The following SIRPG variants were observed in gnomAD, a reference collection of about 807,000 sequenced individuals.
SIRPG encodes signal-regulatory protein gamma.
A neutral mutation model predicts 35.7 loss-of-function variants in SIRPG; 38 were observed. The ratio of observed to expected loss-of-function variants is 1.06; its 90% CI spans 0.82 to 1.40. The LOEUF is 1.40. Among genes scored for constraint, SIRPG ranks in the 40% most tolerant of loss-of-function variants. The pLI is 0.00. For synonymous variants in SIRPG, 215 were observed against 190.4 expected, an observed-to-expected ratio of 1.13 and a Z score of -1.06; for missense variants, 519 against 483.0, an observed-to-expected ratio of 1.07 and a Z score of -0.70.
rs2091917768 is a variant in SIRPG at position 1,649,012 on chromosome 20, T to C, written c.430+40A>G. 11 of 1,522,438 alleles carry C rather than the reference T, an allele frequency of 7.2e-6. 1 individual carries two copies. The highest frequency in any genetic ancestry group is 1.4e-5 in the African/African-American group (1 of 73,056). The allele number at this position is 1,522,438 out of a possible 1,614,324, so 94.3% of individuals were successfully genotyped here. A position where few individuals can be genotyped will look rare whatever the true frequency, so the allele number is the denominator to read the frequency against. On this transcript the variant is annotated intron_variant, in intron 2 of 5. Transcript: ENST00000303415. Reference sequence around the variant, plus strand: ...GGAAGGTGTTACTATTGAGTTATTGTCACACATCAGGGGATGAGGGAGGTC... The same window carrying C: ...GGAAGGTGTTACTATTGAGTTATTGCCACACATCAGGGGATGAGGGAGGTC...
the SIRPG span, among the ~76,000 whole-genome samples, chr20:1,674,534 C>T: frequency 6.6e-6 from 1 of 152,166 alleles, no homozygotes; most frequent in African/African-American, 2.4e-5. Flanking sequence ...CCAGGAAGTA[C>T]CAGAGCCCGG....
chr20:1,653,600 G>C (rs1452359294), intron 1 of SIRPG, among the ~76,000 whole-genome samples: 2 of 152,112 alleles, frequency 1.3e-5, no homozygotes, highest in South Asian at 4.1e-4. Context: ...GGAATTTCAG[G>C]ATAAAAATGC....
At chr20:1,640,159 GA>G (rs2091840957) in intron 2 of SIRPG, among the ~76,000 whole-genome samples, 1 of 152,030 alleles carries the variant, frequency 6.6e-6, no homozygotes, top group Non-Finnish European at 1.5e-5. Flanking sequence ...ATTCTGTGAA[GA>G]ATGTCAATGG....
intron 4 of SIRPG, among the ~76,000 whole-genome samples, chr20:1,634,971 A>G (rs888076021): frequency 6.5e-4 from 99 of 151,646 alleles, no homozygotes; most frequent in Non-Finnish European, 1.2e-3. Flanking sequence ...TGAACCCGGG[A>G]GGCGGAGCTT....
chr20:1,630,365 G>A (rs1045421854), intron 4 of SIRPG, 59 bp from the exon 5 acceptor site: 2 of 1,353,256 alleles, frequency 1.5e-6, no homozygotes, highest in African/African-American at 3.0e-5. Context: ...CCATTGTAGG[G>A]GCCTCCACTT....
the SIRPG span, among the ~76,000 whole-genome samples, chr20:1,685,275 C>T: frequency 6.6e-6 from 1 of 152,142 alleles, no homozygotes; most frequent in Non-Finnish European, 1.5e-5. Context: ...GAATGTGTCC[C>T]CCAAAATGCA....
the SIRPG span, among the ~76,000 whole-genome samples, chr20:1,681,366 C>T: frequency 2.0e-5 from 3 of 152,136 alleles, no homozygotes; most frequent in African/African-American, 7.2e-5. Flanking sequence ...CATAGCTCTG[C>T]CAATTACCAA....
the SIRPG span, among the ~76,000 whole-genome samples, chr20:1,675,890 G>A: frequency 3.3e-5 from 5 of 152,056 alleles, no homozygotes; most frequent in African/African-American, 1.2e-4. Flanking sequence ...TTCTTTCTAA[G>A]TGGGTTAAAA....
intron 1 of SIRPG, among the ~76,000 whole-genome samples, chr20:1,655,896 G>GT (rs2091972313): frequency 6.6e-6 from 1 of 152,022 alleles, no homozygotes; most frequent in Non-Finnish European, 1.5e-5. Context: ...GCATGTACAT[G>GT]TACATGCATA....
At chr20:1,676,362 G>A in the SIRPG span, among the ~76,000 whole-genome samples, 4 of 152,164 alleles carry the variant, frequency 2.6e-5, no homozygotes, top group African/African-American at 9.7e-5. Context: ...TCTTTTAATA[G>A]TTCAACATTG....
Position 1,630,255 on chromosome 20 carries a change from G to A in SIRPG, c.1133C>T (p.Pro378Leu). 1 of 1,574,532 alleles carries A rather than the reference G, an allele frequency of 6.4e-7. No individual in the cohort carries two copies. The highest frequency in any genetic ancestry group is 8.6e-7 in the Non-Finnish European group (1 of 1,159,290). ...ALLLIAVLLGPIYVPWKQKT is the reference protein window; with the variant it reads ...ALLLIAVLLGLIYVPWKQKT ...CTTCTGCTTCCAGGGGACGTAGATG[G>A]GGCCCAGGAGGACAGCTATGAGGAG... is the stretch of plus-strand genomic sequence containing the variant. Residue 378 changes from proline to leucine, a missense_variant, in exon 5 of 6, where the codon CCC (proline) becomes CTC (leucine). Coordinates refer to ENST00000303415, the MANE Select transcript of SIRPG (RefSeq NM_018556.4).
At chr20:1,676,893 T>G in the SIRPG span, 1 of 159,696 alleles carries the variant, frequency 6.3e-6, no homozygotes, top group Non-Finnish European at 1.4e-5. Context: ...CAGCTTTCAC[T>G]TTCATGACAA....
chr20:1,653,921 A>G (rs1440912011), intron 1 of SIRPG, among the ~76,000 whole-genome samples: 1 of 152,208 alleles, frequency 6.6e-6, no homozygotes, highest in East Asian at 1.9e-4. Context: ...GTGATATGCT[A>G]CATCAAGGCA....
the SIRPG span, among the ~76,000 whole-genome samples, chr20:1,667,376 CA>C: frequency 6.6e-6 from 1 of 152,122 alleles, no homozygotes; most frequent in Non-Finnish European, 1.5e-5. Flanking sequence ...ATGGTCATGC[CA>C]AAACCAAATT....
the SIRPG span, among the ~76,000 whole-genome samples, chr20:1,667,160 G>C: frequency 6.6e-6 from 1 of 152,184 alleles, no homozygotes; most frequent in Non-Finnish European, 1.5e-5. Flanking sequence ...GCCTCTCAAA[G>C]TGCTGGGATT....
intron 2 of SIRPG, among the ~76,000 whole-genome samples, chr20:1,643,826 C>T (rs1003608179): frequency 4.6e-5 from 7 of 152,158 alleles, no homozygotes; most frequent in African/African-American, 9.7e-5. Flanking sequence ...GGTCCCTTCC[C>T]TGCAAGGCTG....
intron 4 of SIRPG, chr20:1,630,798 G>A (rs2091743635): frequency 6.5e-6 from 1 of 153,660 alleles, no homozygotes; most frequent in South Asian, 2.0e-4. Flanking sequence ...GACTATAAAA[G>A]GGTAGGCAGG....
chr20:1,649,187 T>A lies in SIRPG; in HGVS notation c.295A>T (p.Asn99Tyr), dbSNP rs2091920182. Residue 99 changes from asparagine to tyrosine, a missense_variant, in exon 2 of 6, where the codon AAC becomes TAC. By Grantham distance (143) the Asn-to-Tyr change is moderately radical. Transcript: ENST00000303415. ...CTGATGCGGATGGAAAAGTCCATGTTGTTTCTCTTTGTGAGGTCTGAAACT... is the reference window on the plus strand; with the variant it reads ...CTGATGCGGATGGAAAAGTCCATGTAGTTTCTCTTTGTGAGGTCTGAAACT... ...TTVSDLTKRN[N>Y]MDFSIRISSI... 1.2e-6 allele frequency: 2 copies of A among 1,614,084 alleles called. No individual in the cohort carries two copies. The highest frequency in any genetic ancestry group is 2.7e-5 in the African/African-American group (2 of 74,922).
At chr20:1,678,472 G>A in the SIRPG span, among the ~76,000 whole-genome samples, 1 of 149,754 alleles carries the variant, frequency 6.7e-6, no homozygotes, top group South Asian at 2.1e-4. Context: ...TAACAAGTGA[G>A]CAGGTGGGAA....
Sources: allele counts gnomAD v4.1 joint callset (sites outside exome capture counted in the v4.1 genomes callset), GRCh38; gene constraint gnomAD v4.1.1; transcripts MANE v1.5; gene names NCBI Gene and HGNC (gene_info 2026-07-23, HGNC 2026-07-21).